Variants in VPS13C observed in about 807,000 individuals in gnomAD.
VPS13C encodes the protein intermembrane lipid transfer protein VPS13C.
VPS13C carries 358 observed loss-of-function variants against 456.8 expected under a neutral mutation model. That is an observed-to-expected ratio of 0.78 (90% CI 0.72 to 0.86). The LOEUF is 0.86. VPS13C is among the 40% of genes least tolerant of loss of function. The probability of loss-of-function intolerance (pLI) is 0.00; values close to 1 mark genes in which losing one functional copy is unlikely to be tolerated. For synonymous variants in VPS13C, 1,578 were observed against 1,486.7 expected (o/e 1.06, Z -1.41); for missense variants, 4,818 against 4,385.4 (o/e 1.10, Z -2.79).
Position 61,926,859 on chromosome 15 carries a change from A to C in VPS13C, c.6516+232T>G, listed in dbSNP as rs559098427. ...CTAAAATTCAAACACTACTCAACAG[A>C]AGATGGTATAATGAAAATAAAACCG... On this transcript the variant is annotated intron_variant, in intron 52 of 84. Transcript: ENST00000644861. Among the ~76,000 whole-genome samples, 89 of 152,346 alleles carry C rather than the reference A, an allele frequency of 5.8e-4. 1 individual carries two copies. Among genetic ancestry groups the C allele is most frequent in the African/African-American group, 1.9e-3 (77 of 41,592 alleles).
At chr15:61,859,100 A>G (rs1368043513) in intron 82 of VPS13C, among the ~76,000 whole-genome samples, 1 of 152,156 alleles carries the variant, frequency 6.6e-6, no homozygotes, top group East Asian at 1.9e-4. Context: ...GCCAGTTATG[A>G]TGGCTCATGC....
chr15:61,864,462 T>C (rs1383962364), intron 81 of VPS13C: 2 of 829,552 alleles, frequency 2.4e-6, no homozygotes, highest in Non-Finnish European at 2.9e-6. Context: ...AAATAGATAA[T>C]ATATATGAAA....
At position 61,918,136 on chromosome 15, in the gene VPS13C, C is replaced by T; in HGVS notation, c.7760G>A (p.Arg2587Lys). The T allele has an allele frequency of 6.3e-7, 1 of 1,586,968 alleles. No individual in the cohort carries two copies. The highest frequency in any genetic ancestry group is 2.3e-5 in the East Asian group (1 of 43,704). ...TTTAATACATTTAAGAAGTATCTAC[C>T]TATATGAATCTAAAGGAACATGGAA... ...EEFHVPLDSY[R>K]CQLFIQPAGI... The change falls in exon 59 of 85, where the codon AGA becomes AAA. Residue 2587 changes from arginine to lysine, a missense_variant and splice_region_variant. Coordinates refer to ENST00000644861, the MANE Select transcript of VPS13C (RefSeq NM_020821.3).
At position 61,915,983 on chromosome 15, in the gene VPS13C, C is replaced by A. The variant is rs749680231; in HGVS notation, c.8095G>T (p.Ala2699Ser). ...ETHELAEGST[A>S]DVLHSRISGE... ...CTGATTCTCGAATGCAGAACATCAG[C>A]AGTACTGCCTTCTGCCAGCTCATGA... The change falls in exon 61 of 85, where the codon GCT (alanine) becomes TCT (serine). Residue 2699 changes from alanine (A) to serine (S), a missense_variant. This residue lies in a region of VPS13C where 4,552 missense variants were observed against 4,130.6 expected (regional missense o/e 1.10). Coordinates refer to ENST00000644861, the MANE Select transcript of VPS13C (RefSeq NM_020821.3). 6.2e-7 allele frequency: 1 copy of A among 1,609,914 alleles called. No homozygotes were observed. Among genetic ancestry groups the A allele is most frequent in the South Asian group, 1.1e-5 (1 of 90,882 alleles).
At chr15:62,049,702 A>G (rs1765161822) in intron 1 of VPS13C, among the ~76,000 whole-genome samples, 2 of 152,110 alleles carry the variant, frequency 1.3e-5, no homozygotes, top group Admixed American at 1.3e-4. Context: ...CAGTATGGCC[A>G]TTTTCACAAT....
chr15:61,924,894 G>A (rs557028709), intron 53 of VPS13C, among the ~76,000 whole-genome samples: 74 of 152,202 alleles, frequency 4.9e-4, no homozygotes, highest in African/African-American at 1.6e-3. Flanking sequence ...TCTTCTATTC[G>A]TGACTGGGCA....
chr15:62,037,283 ATATATTATATTATAT>A (rs1567136696), intron 3 of VPS13C, among the ~76,000 whole-genome samples: 4 of 50,490 alleles, frequency 7.9e-5, no homozygotes, highest in African/African-American at 3.3e-4. Flanking sequence ...AATATATTAT[ATATATTATATTATAT>A]AATATATATA....
At chr15:62,045,377 G>A (rs1343579580) in intron 1 of VPS13C, among the ~76,000 whole-genome samples, 1 of 152,064 alleles carries the variant, frequency 6.6e-6, no homozygotes. Flanking sequence ...AAAAGGAGGA[G>A]TCACCTAATT....
intron 49 of VPS13C, among the ~76,000 whole-genome samples, chr15:61,931,752 TTG>T: frequency 6.6e-6 from 1 of 151,898 alleles, no homozygotes; most frequent in African/African-American, 2.4e-5. Context: ...AATTTTTTTT[TTG>T]TATTTTTAGT....
At chr15:62,039,197 C>T (rs2048159797) in intron 3 of VPS13C, among the ~76,000 whole-genome samples, 1 of 152,128 alleles carries the variant, frequency 6.6e-6, no homozygotes, top group Admixed American at 6.5e-5. Context: ...TGTCCATCAA[C>T]AGTTGACTGG....
rs554765381 is a variant in VPS13C at position 61,964,811 on chromosome 15, A to G, written c.3102T>C (p.Ala1034=). The G allele has an allele frequency of 2.0e-5, 33 of 1,612,084 alleles. No homozygotes were observed. The South Asian group carries it at 3.3e-4, about 16-fold the overall frequency. Residue 1034 remains alanine (A), a synonymous_variant, in exon 31 of 85, where the codon GCT becomes GCC. Transcript: ENST00000644861. ...NLLLQTQALV[A]SINYLTTIIP... ...TAATGGTTGTGAGGTAATTAATAGA[A>G]GCGACAAGAGCTTGTGTTTGCAGCA...
intron 69 of VPS13C, among the ~76,000 whole-genome samples, chr15:61,882,235 T>C (rs955658671): frequency 3.3e-5 from 5 of 152,124 alleles, no homozygotes; most frequent in Non-Finnish European, 7.4e-5. Context: ...GGAGGGATGC[T>C]GGGAGAGAGC....
At chr15:62,034,181 A>T (rs1188195530) in intron 4 of VPS13C, among the ~76,000 whole-genome samples, 1 of 151,722 alleles carries the variant, frequency 6.6e-6, no homozygotes, top group African/African-American at 2.4e-5. Context: ...AATACCATAC[A>T]GCCTTTCAAA....
intron 52 of VPS13C, 103 bp from the exon 53 acceptor site, chr15:61,925,651 G>T: frequency 2.6e-6 from 2 of 779,868 alleles, no homozygotes; most frequent in Non-Finnish European, 3.7e-6. Context: ...TTTAACTACA[G>T]CCTGCTATTA....
intron 61 of VPS13C, among the ~76,000 whole-genome samples, chr15:61,914,870 C>T (rs117180376): frequency 0.048 from 5,172 of 108,072 alleles, 338 homozygotes; most frequent in East Asian, 0.24. Flanking sequence ...CTGGCCAAAA[C>T]TCTGCCTTAA....
chr15:61,872,262 G>C (rs1275087307), intron 78 of VPS13C, among the ~76,000 whole-genome samples: 1 of 152,020 alleles, frequency 6.6e-6, no homozygotes, highest in Non-Finnish European at 1.5e-5. Context: ...TTTTATAAAA[G>C]AAACAGGAGT....
intron 5 of VPS13C, among the ~76,000 whole-genome samples, chr15:62,029,615 A>G (rs150003998): frequency 6.6e-6 from 1 of 152,212 alleles, no homozygotes; most frequent in African/African-American, 2.4e-5. Context: ...GGGACTCAAC[A>G]CTTTCTCTTG....
At chr15:61,979,771 C>T (rs1311640552) in intron 22 of VPS13C, among the ~76,000 whole-genome samples, 1 of 152,124 alleles carries the variant, frequency 6.6e-6, no homozygotes, top group Admixed American at 6.5e-5. Flanking sequence ...TTTTAATCAA[C>T]AGAAGCCAAA....
intron 66 of VPS13C, 26 bp downstream of exon 66, chr15:61,907,238 T>G (rs903495189): frequency 1.1e-5 from 17 of 1,612,934 alleles, no homozygotes; most frequent in African/African-American, 1.3e-5. Flanking sequence ...GTAACTCATA[T>G]AGCACTCATT....
Sources: allele counts gnomAD v4.1 joint callset (sites outside exome capture counted in the v4.1 genomes callset), GRCh38; gene constraint gnomAD v4.1.1; regional missense constraint gnomAD v4.1.1; transcripts MANE v1.5; gene names NCBI Gene and HGNC (gene_info 2026-07-23, HGNC 2026-07-21).